Variants in CSNK1D observed in about 807,000 individuals in gnomAD.
The protein encoded by CSNK1D is casein kinase I isoform delta.
A neutral mutation model predicts 46.6 loss-of-function variants in CSNK1D; 16 were observed. The observed-to-expected ratio is 0.34, with a 90% confidence interval of 0.23 to 0.52. The LOEUF is 0.52. Ranked by LOEUF, CSNK1D falls within the 20% of genes least tolerant of loss-of-function variation. The pLI is 0.95. For missense variants in CSNK1D, 398 were observed against 578.4 expected (o/e 0.69, Z 3.20); for synonymous variants, 276 against 228.2 (o/e 1.21, Z -1.89).
In CSNK1D at chr17:82,243,859, C is replaced by CGTTT; in HGVS notation, c.*921_*922insAAAC. The stretch of plus-strand genomic sequence containing the variant: ...CGGTTCACAGTCCTCTCCCAAGGGA[C>CGTTT]CAGAAACGCATCTTCCACCTTGAAT... On this transcript the variant is annotated 3_prime_UTR_variant, in exon 9 of 9. Transcript: ENST00000314028. 2.0e-6 allele frequency: 2 copies of CGTTT among 985,632 alleles called. No individual in the cohort carries two copies. The highest frequency in any genetic ancestry group is 2.4e-6 in the Non-Finnish European group (2 of 830,058). The allele number at this position is 985,632 out of a possible 1,614,324, so 61.1% of individuals were successfully genotyped here. A position where few individuals can be genotyped will look rare whatever the true frequency, so the allele number is the denominator to read the frequency against.
Position 82,250,313 on chromosome 17 carries a change from A to T in CSNK1D, c.886-711T>A. Reference sequence around the variant, plus strand: ...GACACAGCCACGTTCACCAGGCAACACACAGACCGACACACCTGCGGCTGC... The same window carrying T: ...GACACAGCCACGTTCACCAGGCAACTCACAGACCGACACACCTGCGGCTGC... On this transcript the variant is annotated intron_variant, in intron 6 of 8. Transcript: ENST00000314028. The surrounding 1 kb of genome is among the most constrained non-coding windows in gnomAD (Gnocchi z 4.6). 1 of 701,400 alleles carries T rather than the reference A, an allele frequency of 1.4e-6. No homozygotes were observed. The highest frequency in any genetic ancestry group is 2.2e-6 in the Non-Finnish European group (1 of 461,372). 43.4% of individuals were successfully genotyped at this position (701,400 alleles called of 1,614,324 possible). A position where few individuals can be genotyped will look rare whatever the true frequency, so the allele number is the denominator to read the frequency against.
Position 82,248,828 on chromosome 17 carries a change from A to T in CSNK1D, c.1197+47T>A. 3 of 1,589,018 alleles carry T rather than the reference A, an allele frequency of 1.9e-6. No individual in the cohort carries two copies. The highest frequency in any genetic ancestry group is 2.6e-6 in the Non-Finnish European group (3 of 1,167,214). Reference sequence around the variant, plus strand: ...AAACCACAGCCCGCTCTTGACTCGGACGGGGTAGCCCGAGGCCCAGCGCCC... The same window carrying T: ...AAACCACAGCCCGCTCTTGACTCGGTCGGGGTAGCCCGAGGCCCAGCGCCC... On this transcript the variant is annotated intron_variant, in intron 8 of 8. Transcript: ENST00000314028. This position sits in a 1 kb window ranked among gnomAD's most constrained non-coding sequence, Gnocchi z 4.1.
At chr17:82,245,950 C>G in intron 8 of CSNK1D, 2 of 1,585,600 alleles carry the variant, frequency 1.3e-6, no homozygotes, top group East Asian at 2.3e-5. Context: ...GCGCTGCTGC[C>G]TGGCGCCCGC....
intron 1 of CSNK1D, among the ~76,000 whole-genome samples, chr17:82,267,497 G>C (rs549469628): frequency 6.6e-6 from 1 of 151,930 alleles, no homozygotes; most frequent in Non-Finnish European, 1.5e-5. Context: ...CGTTCCACAG[G>C]AATCGCCACC....
chr17:82,256,175 G>A (rs2051169621), intron 2 of CSNK1D, among the ~76,000 whole-genome samples: 1 of 152,234 alleles, frequency 6.6e-6, no homozygotes, highest in African/African-American at 2.4e-5. Context: ...AGAATTTAAA[G>A]ATGGCTGCAT....
rs1226149097 is a variant in CSNK1D, at chr17:82,251,066, C to T, written c.885+313G>A. The T allele has an allele frequency of 2.4e-6, 1 of 410,148 alleles. No homozygotes were observed. Among genetic ancestry groups the T allele is most frequent in the Non-Finnish European group, 4.6e-6 (1 of 217,428 alleles). 25.4% of individuals were successfully genotyped at this position (410,148 alleles called of 1,614,324 possible). On this transcript the variant is annotated intron_variant, in intron 6 of 8. Transcript: ENST00000314028. The surrounding 1 kb of genome is among the most constrained non-coding windows in gnomAD (Gnocchi z 4.5). ...AATGGGAATGCGCACCCCCAGCCCCCACCCTCTGCCCCCAGGGCATGCTCT... is the reference window on the plus strand; with the variant it reads ...AATGGGAATGCGCACCCCCAGCCCCTACCCTCTGCCCCCAGGGCATGCTCT...
Position 82,249,302 on chromosome 17 carries a change from C to T in CSNK1D, c.1057+129G>A, listed in dbSNP as rs1006896862. ...CTGGGCAGCCTGGCTCATCCACCCT[C>T]AGGAGCGAGCATCGCCTGACACAGG... On this transcript the variant is annotated intron_variant, in intron 7 of 8. Transcript: ENST00000314028. This position sits in a 1 kb window ranked among gnomAD's most constrained non-coding sequence, Gnocchi z 6.7. 13 of 1,044,416 alleles carry T rather than the reference C, an allele frequency of 1.2e-5. No homozygotes were observed. In the African/African-American group the frequency reaches 1.3e-4, roughly 10 times the overall value. 64.7% of individuals were successfully genotyped at this position (1,044,416 alleles called of 1,614,324 possible). A position where few individuals can be genotyped will look rare whatever the true frequency, so the allele number is the denominator to read the frequency against.
At position 82,250,298 on chromosome 17, in the gene CSNK1D, C is replaced by T. The variant is rs1026014567; in HGVS notation, c.886-696G>A. 26 of 945,204 alleles carry T rather than the reference C, an allele frequency of 2.8e-5. No individual in the cohort carries two copies. Among genetic ancestry groups the T allele is most frequent in the African/African-American group, 1.5e-4 (9 of 58,976 alleles). 58.6% of individuals were successfully genotyped at this position (945,204 alleles called of 1,614,324 possible). A position where few individuals can be genotyped will look rare whatever the true frequency, so the allele number is the denominator to read the frequency against. The stretch of plus-strand genomic sequence containing the variant: ...AAGTACAGCTCATTGGACACAGCCA[C>T]GTTCACCAGGCAACACACAGACCGA... On this transcript the variant is annotated intron_variant, in intron 6 of 8. Transcript: ENST00000314028. The surrounding 1 kb of genome is among the most constrained non-coding windows in gnomAD (Gnocchi z 4.6).
At position 82,249,119 on chromosome 17, in the gene CSNK1D, C is replaced by A; in HGVS notation, c.1058-105G>T. ...CAGAGAGGACCCTGGGCTGCCTGGA[C>A]AGTCAGGACCTGGCTGTGGCCGATG... On this transcript the variant is annotated intron_variant, in intron 7 of 8. Coordinates refer to ENST00000314028, the MANE Select transcript of CSNK1D (RefSeq NM_001893.6). The surrounding 1 kb of genome is among the most constrained non-coding windows in gnomAD (Gnocchi z 6.7). The A allele has an allele frequency of 7.3e-7, 1 of 1,371,248 alleles. No individual in the cohort carries two copies. The highest frequency in any genetic ancestry group is 1.4e-5 in the South Asian group (1 of 73,706). 84.9% of individuals were successfully genotyped at this position (1,371,248 alleles called of 1,614,324 possible). A position where few individuals can be genotyped will look rare whatever the true frequency, so the allele number is the denominator to read the frequency against.
rs773210781 is a variant in CSNK1D at position 82,248,616 on chromosome 17, G to A, written c.1197+259C>T. 3.8e-5 allele frequency: 51 copies of A among 1,339,454 alleles called. No homozygotes were observed. The highest frequency in any genetic ancestry group is 4.4e-5 in the Non-Finnish European group (46 of 1,040,304). 83.0% of individuals were successfully genotyped at this position (1,339,454 alleles called of 1,614,324 possible). ...TCAAACAGCAGGAGAAAGCCCCCAC[G>A]GTTTGCTGGCCTCAGGGACCTGAGA... is the stretch of plus-strand genomic sequence containing the variant. On this transcript the variant is annotated intron_variant, in intron 8 of 8. Coordinates refer to ENST00000314028, the MANE Select transcript of CSNK1D (RefSeq NM_001893.6). This position sits in a 1 kb window ranked among gnomAD's most constrained non-coding sequence, Gnocchi z 4.1.
Position 82,253,169 on chromosome 17 carries a change from G to A in CSNK1D, c.412C>T (p.Leu138=), listed in dbSNP as rs1568564725. 1 of 1,614,170 alleles carries A rather than the reference G, an allele frequency of 6.2e-7. No individual in the cohort carries two copies. The highest frequency in any genetic ancestry group is 8.5e-7 in the Non-Finnish European group (1 of 1,180,014). Residue 138 remains leucine, a synonymous_variant, in exon 4 of 9, where the codon CTG becomes TTG. Coordinates refer to ENST00000314028, the MANE Select transcript of CSNK1D (RefSeq NM_001893.6). The stretch of plus-strand genomic sequence containing the variant: ...TACACCAGGTTGCCCTTCTTCCCCA[G>A]GCCCATGAGGAAGTTGTCTGGCTTC... The part of the protein sequence containing the change: ...DVKPDNFLMG[L]GKKGNLVYII...
rs1404503185 is a variant in CSNK1D at position 82,249,212 on chromosome 17, G to C, written c.1058-198C>G. The C allele has an allele frequency of 2.6e-6, 2 of 780,378 alleles. No individual in the cohort carries two copies. The highest frequency in any genetic ancestry group is 2.0e-6 in the Non-Finnish European group (1 of 497,376). 48.3% of individuals were successfully genotyped at this position (780,378 alleles called of 1,614,324 possible). A position where few individuals can be genotyped will look rare whatever the true frequency, so the allele number is the denominator to read the frequency against. Reference sequence around the variant, plus strand: ...TGGGAGCGAGGTCAAGGGGCTCACAGGGGAGGAACGTGAGATGCGGGAGGA... The same window carrying C: ...TGGGAGCGAGGTCAAGGGGCTCACACGGGAGGAACGTGAGATGCGGGAGGA... On this transcript the variant is annotated intron_variant, in intron 7 of 8. Transcript: ENST00000314028. This position sits in a 1 kb window ranked among gnomAD's most constrained non-coding sequence, Gnocchi z 6.7.
intron 8 of CSNK1D, chr17:82,245,941 CGCT>C (rs1208861141): frequency 1.3e-6 from 2 of 1,575,370 alleles, no homozygotes; most frequent in Non-Finnish European, 8.6e-7. Flanking sequence ...ACCCACCTGG[CGCT>C]GCTGCCTGGC....
Position 82,243,850 on chromosome 17 carries a change from C to T in CSNK1D, c.*931G>A. ...ACCACCTCTCGGTTCACAGTCCTCT[C>T]CCAAGGGACCAGAAACGCATCTTCC... On this transcript the variant is annotated 3_prime_UTR_variant, in exon 9 of 9. Transcript: ENST00000314028. 1 of 985,680 alleles carries T rather than the reference C, an allele frequency of 1.0e-6. No homozygotes were observed. The highest frequency in any genetic ancestry group is 1.2e-6 in the Non-Finnish European group (1 of 830,092). The allele number at this position is 985,680 out of a possible 1,614,324, so 61.1% of individuals were successfully genotyped here. A position where few individuals can be genotyped will look rare whatever the true frequency, so the allele number is the denominator to read the frequency against.
chr17:82,239,862 TC>T, downstream of CSNK1D: 1 of 558,444 alleles, frequency 1.8e-6, no homozygotes, highest in Non-Finnish European at 2.7e-6. Context: ...CACCCTGTCC[TC>T]CATCCAGCCC....
rs748247050 is a variant in CSNK1D at position 82,251,493 on chromosome 17, G to A, written c.771C>T (p.Ser257=). The change falls in exon 6 of 9, where the codon TCC becomes TCT. Residue 257 remains serine, a synonymous_variant. Transcript: ENST00000314028. This position sits in a 1 kb window ranked among gnomAD's most constrained non-coding sequence, Gnocchi z 4.5. ...AGTCAGGCTTGTCGTCAAAACGCAA[G>A]GAACGGCAGAAATTCAGGTATGTGG... ...EFATYLNFCR[S]LRFDDKPDYS... is the part of the protein sequence containing the mutation. The A allele has an allele frequency of 1.9e-6, 3 of 1,614,114 alleles. No individual in the cohort carries two copies. Among genetic ancestry groups the A allele is most frequent in the Non-Finnish European group, 2.5e-6 (3 of 1,180,028 alleles).
rs369605736 is a variant in CSNK1D at position 82,244,739 on chromosome 17, C to A, written c.*42G>T. On this transcript the variant is annotated 3_prime_UTR_variant, in exon 9 of 9. Coordinates refer to ENST00000314028, the MANE Select transcript of CSNK1D (RefSeq NM_001893.6). ...TAAAGCCATTGGTAACAGAGTAGAT[C>A]AGCCATGCATTGTCTGCCCTTCACA... 6.2e-7 allele frequency: 1 copy of A among 1,613,664 alleles called. No homozygotes were observed. The highest frequency in any genetic ancestry group is 2.2e-5 in the East Asian group (1 of 44,886).
At chr17:82,271,542 G>A (rs1039711363) in intron 1 of CSNK1D, among the ~76,000 whole-genome samples, 1 of 152,192 alleles carries the variant, frequency 6.6e-6, no homozygotes, top group African/African-American at 2.4e-5. Context: ...AACACATCCA[G>A]CTGACCACCT....
Position 82,244,453 on chromosome 17 carries a change from G to C in CSNK1D, c.*328C>G. The C allele has an allele frequency of 7.6e-7, 1 of 1,321,954 alleles. No individual in the cohort carries two copies. Among genetic ancestry groups the C allele is most frequent in the South Asian group, 1.6e-5 (1 of 61,542 alleles). The allele number at this position is 1,321,954 out of a possible 1,614,324, so 81.9% of individuals were successfully genotyped here. ...GAAGATTGGTAGTTACAGTGGAATCGTCAGGGAGTACAGGGCGGCCACCAC... is the reference window on the plus strand; with the variant it reads ...GAAGATTGGTAGTTACAGTGGAATCCTCAGGGAGTACAGGGCGGCCACCAC... On this transcript the variant is annotated 3_prime_UTR_variant, in exon 9 of 9. Transcript: ENST00000314028.
Sources: gnomAD v4.1 joint callset for allele counts (sites outside exome capture counted in the v4.1 genomes callset) on GRCh38, gnomAD v4.1.1 for gene constraint, Gnocchi (gnomAD v3.1) non-coding constraint, MANE v1.5 for transcripts, NCBI Gene and HGNC (gene_info 2026-07-23, HGNC 2026-07-21) for gene names.